SYAP1: variants seen among roughly 807,000 people sequenced by gnomAD.
SYAP1 encodes synapse associated protein 1.
Under a neutral mutation model 29.6 loss-of-function variants are expected in SYAP1, and 3 were observed. The ratio of observed to expected loss-of-function variants is 0.10; its 90% CI spans 0.05 to 0.26. The LOEUF (loss-of-function observed/expected upper bound fraction) is 0.26. Among genes scored for constraint, SYAP1 ranks in the 10% least tolerant of loss-of-function variants. The probability of loss-of-function intolerance (pLI) is 1.00; values close to 1 mark genes in which losing one functional copy is unlikely to be tolerated. For missense variants in SYAP1, 217 were observed against 264.1 expected (o/e 0.82, Z 1.24); for synonymous variants, 102 against 102.7 (o/e 0.99, Z 0.04).
chrX:16,729,988 T>C (rs1398005604), intron 1 of SYAP1, among the ~76,000 whole-genome samples: 1 of 111,963 alleles, frequency 8.9e-6, no homozygotes, highest in African/African-American at 3.2e-5. Context: ...CCTTATAATC[T>C]TTTTACCAAA....
chrX:16,743,932 T>C, intron 5 of SYAP1, 92 bp downstream of exon 5: 1 of 1,031,800 alleles, frequency 9.7e-7, no homozygotes, highest in Non-Finnish European at 1.3e-6. Flanking sequence ...AGGGTCTCTA[T>C]CTGTTCATAA....
At chrX:16,729,376 A>G (rs989145491) in intron 1 of SYAP1, among the ~76,000 whole-genome samples, 1 of 112,061 alleles carries the variant, frequency 8.9e-6, no homozygotes, top group African/African-American at 3.2e-5. Flanking sequence ...ATGTTTGACC[A>G]TAAGGTAAGA....
intron 8 of SYAP1, among the ~76,000 whole-genome samples, chrX:16,757,946 G>A (rs1055888690): frequency 9.2e-6 from 1 of 108,924 alleles, no homozygotes; most frequent in Non-Finnish European, 1.9e-5. Context: ...TTAAAAGCTG[G>A]CATTCTCCTT....
chrX:16,752,843 G>C lies in SYAP1; in HGVS notation c.576-2102G>C, dbSNP rs181282814. 2.8e-3 allele frequency among the ~76,000 whole-genome samples: 310 copies of C among 111,187 alleles called. 1 individual carries two copies. The highest frequency in any genetic ancestry group is 0.028 in the Middle Eastern group (6 of 216). On this transcript the variant is annotated intron_variant, in intron 5 of 8. Transcript: ENST00000380155. ...CCTCTTTGAATGTAATTACTATTTT[G>C]CTGGGATGTGCTTTGAAACTGTGAA...
Position 16,742,143 on chromosome X carries a change from G to GTTTTTTTTTTTTTT in SYAP1, c.435+367_435+380dup, listed in dbSNP as rs144175479. Among the ~76,000 whole-genome samples the GTTTTTTTTTTTTTT allele has an allele frequency of 2.6e-3, 109 of 41,867 alleles. 12 individuals carry two copies. Among genetic ancestry groups the GTTTTTTTTTTTTTT allele is most frequent in the African/African-American group, 0.014 (106 of 7,535 alleles). 36.4% of individuals were successfully genotyped at this position (41,867 alleles called of 115,157 possible). The stretch of plus-strand genomic sequence containing the variant: ...ACCATGCCCAGCTAATTTTTGTGTG[G>GTTTTTTTTTTTTTT]TTTTTTTTTTTTTTTTTTTTTTTTT... On this transcript the variant is annotated intron_variant, in intron 4 of 8. Coordinates refer to ENST00000380155, the MANE Select transcript of SYAP1 (RefSeq NM_032796.4).
At chrX:16,748,071 G>A (rs772187837) in intron 5 of SYAP1, among the ~76,000 whole-genome samples, 1 of 107,556 alleles carries the variant, frequency 9.3e-6, no homozygotes, top group Admixed American at 1.0e-4. Context: ...CAACAAGAGC[G>A]AAACTCCGTC....
intron 4 of SYAP1, among the ~76,000 whole-genome samples, chrX:16,743,386 A>G (rs1926517648): frequency 9.2e-6 from 1 of 109,204 alleles, no homozygotes; most frequent in South Asian, 4.0e-4. Flanking sequence ...CTGTAATCCC[A>G]GCACTTTGGG....
chrX:16,754,902 A>G (rs1170320706), intron 5 of SYAP1, 43 bp from the exon 6 acceptor site: 3 of 1,181,123 alleles, frequency 2.5e-6, no homozygotes, highest in Non-Finnish European at 3.4e-6. Flanking sequence ...TTGATTTTCA[A>G]TTTTGCCTTT....
intron 5 of SYAP1, among the ~76,000 whole-genome samples, chrX:16,745,715 C>A (rs1162242174): frequency 9.7e-6 from 1 of 102,711 alleles, no homozygotes; most frequent in East Asian, 3.1e-4. Context: ...CCAACCTGGG[C>A]GACAGAGTGA....
In SYAP1 at chrX:16,728,061, C is replaced by A. The variant is rs1046819908; in HGVS notation, c.176-7166C>A. On this transcript the variant is annotated intron_variant, in intron 1 of 8. Transcript: ENST00000380155. ...ATTGGGTAGAAACAAATATGCTCCA[C>A]ATTTTGTTCATGGGAGTATACTAAA... Among the ~76,000 whole-genome samples the A allele has an allele frequency of 9.8e-5, 11 of 112,266 alleles. No homozygotes were observed. In the East Asian group the frequency reaches 3.1e-3, roughly 31 times the overall value.
In SYAP1 at chrX:16,757,213, G is replaced by A; in HGVS notation, c.835G>A (p.Ala279Thr). The change falls in exon 8 of 9, where the codon GCC (alanine) becomes ACC (threonine). Residue 279 changes from alanine to threonine, a missense_variant. Transcript: ENST00000380155. ...AGGTGTTTCTGAGTTTGTCAGTGAT[G>A]CCTTCGATGCCTGTAACCTAAATCA... ...SPGVSEFVSD[A>T]FDACNLNQED... 1 of 1,210,261 alleles carries A rather than the reference G, an allele frequency of 8.3e-7. No homozygotes were observed. The highest frequency in any genetic ancestry group is 2.2e-5 in the Admixed American group (1 of 45,911).
At chrX:16,757,456 C>T in intron 8 of SYAP1, 147 bp downstream of exon 8, 1 of 667,621 alleles carries the variant, frequency 1.5e-6, no homozygotes, top group African/African-American at 2.2e-5. Flanking sequence ...GGCAATGGCT[C>T]ACGCTTGTAA....
intron 4 of SYAP1, among the ~76,000 whole-genome samples, chrX:16,742,215 G>A (rs1168510974): frequency 3.3e-5 from 3 of 91,631 alleles, no homozygotes; most frequent in African/African-American, 1.3e-4. Flanking sequence ...GCAGTGGCAC[G>A]ATCTCGGCTC....
At chrX:16,747,960 G>A (rs1468608859) in intron 5 of SYAP1, among the ~76,000 whole-genome samples, 1 of 110,751 alleles carries the variant, frequency 9.0e-6, no homozygotes, top group Non-Finnish European at 1.9e-5. Flanking sequence ...GCGGGCGCCT[G>A]TAATCCCAGC....
At chrX:16,725,357 C>G (rs946508543) in intron 1 of SYAP1, among the ~76,000 whole-genome samples, 6 of 111,691 alleles carry the variant, frequency 5.4e-5, no homozygotes, top group Non-Finnish European at 9.4e-5. Context: ...TTCATAAAAA[C>G]TGTCTTTGGC....
At chrX:16,736,509 CTTTT>C in intron 3 of SYAP1, 1 of 214,604 alleles carries the variant, frequency 4.7e-6, no homozygotes, top group Non-Finnish European at 8.5e-6. Context: ...TTTCTCTTTT[CTTTT>C]CCCCCACCGA....
chrX:16,734,672 A>G (rs749328712), intron 1 of SYAP1, among the ~76,000 whole-genome samples: 8 of 110,608 alleles, frequency 7.2e-5, no homozygotes, highest in East Asian at 2.9e-4. Flanking sequence ...TGAAGCAGCT[A>G]CTGGGAAGAG....
rs372324286 is a variant in SYAP1, at chrX:16,735,019, A to AAC, written c.176-207_176-206insCA. 4.6e-4 allele frequency among the ~76,000 whole-genome samples: 40 copies of AAC among 86,980 alleles called. 1 individual carries two copies. In the East Asian group the frequency reaches 9.2e-3, roughly 20 times the overall value. 75.5% of individuals were successfully genotyped at this position (86,980 alleles called of 115,157 possible). On this transcript the variant is annotated intron_variant, in intron 1 of 8. Transcript: ENST00000380155. Reference sequence around the variant, plus strand: ...CTCAAAAAAAAAAAAAAAAAAAAAAAAAACAAAAAAAGAGATGAATGAAAG... The same window carrying AAC: ...CTCAAAAAAAAAAAAAAAAAAAAAAAACAAACAAAAAAAGAGATGAATGAAAG...
chrX:16,721,815 G>A (rs1172207563), intron 1 of SYAP1, among the ~76,000 whole-genome samples: 4 of 111,228 alleles, frequency 3.6e-5, no homozygotes, highest in African/African-American at 9.8e-5. Context: ...GATTACAGGC[G>A]TGAGCCACCG....
Sources: gnomAD v4.1 joint callset for allele counts (sites outside exome capture counted in the v4.1 genomes callset) on GRCh38, gnomAD v4.1.1 for gene constraint, MANE v1.5 for transcripts, NCBI Gene and HGNC (gene_info 2026-07-23, HGNC 2026-07-21) for gene names.